Variants in KHDRBS2 observed in about 807,000 individuals in gnomAD.
KHDRBS2 encodes KH domain-containing, RNA-binding, signal transduction-associated protein 2.
Under a neutral mutation model 44.3 loss-of-function variants are expected in KHDRBS2, and 26 were observed. The ratio of observed to expected loss-of-function variants is 0.59; its 90% CI spans 0.43 to 0.81. The LOEUF is 0.81. Ranked by LOEUF, KHDRBS2 falls within the 40% of genes least tolerant of loss-of-function variation. KHDRBS2 has a pLI of 0.00. For synonymous variants in KHDRBS2, 194 were observed against 151.1 expected (o/e 1.28, Z -2.08); for missense variants, 476 against 433.1 (o/e 1.10, Z -0.88).
chr6:62,137,639 G>A (rs900649549), intron 2 of KHDRBS2, among the ~76,000 whole-genome samples: 2 of 152,112 alleles, frequency 1.3e-5, no homozygotes, highest in African/African-American at 2.4e-5. Context: ...AAGAGCCACT[G>A]CTTTCTACCT....
intron 1 of KHDRBS2, among the ~76,000 whole-genome samples, chr6:62,210,975 A>G (rs1828948840): frequency 6.6e-6 from 1 of 152,146 alleles, no homozygotes; most frequent in Non-Finnish European, 1.5e-5. Context: ...TCCAAATGTC[A>G]AACCCAACCT....
chr6:61,816,676 T>A, intron 6 of KHDRBS2: 1 of 433,570 alleles, frequency 2.3e-6, no homozygotes, highest in South Asian at 1.6e-5. Flanking sequence ...GTTTTGAAAA[T>A]CCAGTTTTGC....
chr6:62,186,385 G>T (rs1333698340), intron 1 of KHDRBS2, among the ~76,000 whole-genome samples: 2 of 151,936 alleles, frequency 1.3e-5, no homozygotes, highest in Non-Finnish European at 2.9e-5. Context: ...GCATTTGGGG[G>T]CTGGACATGA....
chr6:61,909,836 C>A (rs547079464), intron 4 of KHDRBS2, among the ~76,000 whole-genome samples: 1 of 152,224 alleles, frequency 6.6e-6, no homozygotes, highest in East Asian at 1.9e-4. Context: ...GACAGGCTAC[C>A]TGGTGGTGCA....
intron 6 of KHDRBS2, among the ~76,000 whole-genome samples, chr6:61,808,407 A>G (rs558757220): frequency 6.6e-6 from 1 of 152,266 alleles, no homozygotes; most frequent in African/African-American, 2.4e-5. Flanking sequence ...ATGAAACTAT[A>G]TCCAGAATTC....
intron 6 of KHDRBS2, among the ~76,000 whole-genome samples, chr6:61,889,713 A>G (rs1427404185): frequency 6.6e-6 from 1 of 152,170 alleles, no homozygotes; most frequent in East Asian, 1.9e-4. Context: ...CTTTCAAAAC[A>G]TAAATCTAAT....
At chr6:62,167,625 T>C (rs148203109) in intron 2 of KHDRBS2, among the ~76,000 whole-genome samples, 112 of 152,034 alleles carry the variant, frequency 7.4e-4, no homozygotes, top group African/African-American at 2.6e-3. Context: ...AAATGAGGAG[T>C]TGGGAAACTG....
At chr6:61,823,044 C>T (rs1243032627) in intron 6 of KHDRBS2, among the ~76,000 whole-genome samples, 1 of 151,904 alleles carries the variant, frequency 6.6e-6, no homozygotes, top group African/African-American at 2.4e-5. Flanking sequence ...CCTAGGTTAA[C>T]ATATATATGC....
rs573089890 is a variant in KHDRBS2, at chr6:61,964,041, A to G, written c.483+14025T>C. Among the ~76,000 whole-genome samples the G allele has an allele frequency of 7.9e-5, 12 of 152,142 alleles. No individual in the cohort carries two copies. The South Asian group carries it at 2.3e-3, about 29-fold the overall frequency. On this transcript the variant is annotated intron_variant, in intron 4 of 8. Coordinates refer to ENST00000281156, the MANE Select transcript of KHDRBS2 (RefSeq NM_152688.4). ...AGTTGACTTTATGAAGGGTAATGTC[A>G]TCTAAAGACATGTACTTCTTTTCCT...
chr6:61,721,763 C>T (rs1366461131), intron 7 of KHDRBS2, among the ~76,000 whole-genome samples: 2 of 100,564 alleles, frequency 2.0e-5, no homozygotes, highest in Non-Finnish European at 4.4e-5. Flanking sequence ...TAATTGAATA[C>T]CTTTTATTTC....
intron 2 of KHDRBS2, among the ~76,000 whole-genome samples, chr6:62,090,527 T>A (rs1203611084): frequency 1.3e-5 from 2 of 152,014 alleles, no homozygotes; most frequent in Non-Finnish European, 2.9e-5. Flanking sequence ...ATTCTCTACC[T>A]CCCAATAACA....
intron 4 of KHDRBS2, among the ~76,000 whole-genome samples, chr6:61,958,337 C>T (rs1404382628): frequency 6.6e-6 from 1 of 152,162 alleles, no homozygotes; most frequent in Admixed American, 6.6e-5. Flanking sequence ...GTTCCCCTCT[C>T]CTCATCAATG....
chr6:61,635,156 T>G, the KHDRBS2 span, among the ~76,000 whole-genome samples: 1 of 152,060 alleles, frequency 6.6e-6, no homozygotes, highest in East Asian at 1.9e-4. Context: ...TTTAATTTTT[T>G]GATGACAACT....
intron 6 of KHDRBS2, among the ~76,000 whole-genome samples, chr6:61,775,678 G>T (rs906839686): frequency 5.9e-5 from 9 of 152,176 alleles, no homozygotes; most frequent in African/African-American, 2.2e-4. Context: ...CCATGCTCAT[G>T]GGTAGGAAGA....
chr6:61,899,892 C>T (rs1803644187), intron 5 of KHDRBS2, among the ~76,000 whole-genome samples: 1 of 151,840 alleles, frequency 6.6e-6, no homozygotes, highest in Admixed American at 6.6e-5. Flanking sequence ...TGATTAAATC[C>T]ATTAAAGATG....
chr6:61,745,324 C>T lies in KHDRBS2; in HGVS notation c.811-12560G>A, dbSNP rs116241868. On this transcript the variant is annotated intron_variant, in intron 6 of 8. Transcript: ENST00000281156. ...GGTTGTCAGTAGGTTTCCTTCGACT[C>T]CCATTTTTTAAAATGCTTTTTAACA... Among the ~76,000 whole-genome samples, 687 of 152,164 alleles carry T rather than the reference C, an allele frequency of 4.5e-3. 10 individuals are homozygous for T. Among genetic ancestry groups the T allele is most frequent in the African/African-American group, 0.016 (658 of 41,532 alleles).
chr6:62,146,086 A>G (rs1383077432), intron 2 of KHDRBS2, among the ~76,000 whole-genome samples: 1 of 151,828 alleles, frequency 6.6e-6, no homozygotes, highest in African/African-American at 2.4e-5. Context: ...GTCTGTTTTG[A>G]TTAAGTCTCT....
chr6:62,002,524 C>T (rs1013968584), intron 3 of KHDRBS2, among the ~76,000 whole-genome samples: 16 of 151,338 alleles, frequency 1.1e-4, no homozygotes, highest in Admixed American at 7.2e-4. Flanking sequence ...TTTATACCCA[C>T]ATCTCTCTAA....
chr6:61,628,797 C>T, the KHDRBS2 span, among the ~76,000 whole-genome samples: 1 of 152,152 alleles, frequency 6.6e-6, no homozygotes, highest in South Asian at 2.1e-4. Context: ...CTAAACCACA[C>T]AGGATTTGGG....
Sources: gnomAD v4.1 joint callset for allele counts (sites outside exome capture counted in the v4.1 genomes callset) on GRCh38, gnomAD v4.1.1 for gene constraint, MANE v1.5 for transcripts, NCBI Gene and HGNC (gene_info 2026-07-23, HGNC 2026-07-21) for gene names.